Variants in ABCA13 observed in about 807,000 individuals in gnomAD.
The protein encoded by ABCA13 is ATP-binding cassette sub-family A member 13.
Under a neutral mutation model 478.7 loss-of-function variants are expected in ABCA13, and 476 were observed. The ratio of observed to expected loss-of-function variants is 0.99; its 90% CI spans 0.92 to 1.07. The LOEUF (loss-of-function observed/expected upper bound fraction) is 1.07. Among genes scored for constraint, ABCA13 ranks in the 50% least tolerant of loss-of-function variants. The pLI, the probability that ABCA13 is intolerant of heterozygous loss-of-function variation, is 0.00. For synonymous variants in ABCA13, 2,252 were observed against 2,158.9 expected (o/e 1.04, Z -1.20); for missense variants, 6,060 against 5,910.6 (o/e 1.03, Z -0.83).
chr7:48,631,637 C>T (rs1001617088), intron 59 of ABCA13, among the ~76,000 whole-genome samples: 1 of 151,220 alleles, frequency 6.6e-6, no homozygotes, highest in African/African-American at 2.4e-5. Context: ...ACTATTGGAG[C>T]TTTTTCTTTC....
chr7:48,439,295 G>T (rs1480164562), intron 42 of ABCA13, among the ~76,000 whole-genome samples: 2 of 152,018 alleles, frequency 1.3e-5, no homozygotes, highest in Non-Finnish European at 2.9e-5. Context: ...CCATTTTTTG[G>T]CTGGCTGTCA....
chr7:48,224,860 T>C (rs1177702211), intron 5 of ABCA13, among the ~76,000 whole-genome samples: 1 of 152,174 alleles, frequency 6.6e-6, no homozygotes, highest in Non-Finnish European at 1.5e-5. Context: ...TGCAGCATTC[T>C]TTCCACCTCC....
chr7:48,613,887 AT>A (rs1792277597), intron 58 of ABCA13, among the ~76,000 whole-genome samples: 1 of 148,078 alleles, frequency 6.8e-6, no homozygotes, highest in African/African-American at 2.4e-5. Context: ...TAGATTACCA[AT>A]TTTGTAACAT....
At chr7:48,324,847 C>T (rs542098725) in intron 27 of ABCA13, among the ~76,000 whole-genome samples, 5 of 152,268 alleles carry the variant, frequency 3.3e-5, no homozygotes, top group Admixed American at 6.5e-5. Context: ...CTACCTAGCA[C>T]GGTACAATGA....
intron 41 of ABCA13, among the ~76,000 whole-genome samples, chr7:48,427,240 A>G (rs566175772): frequency 6.6e-6 from 1 of 152,180 alleles, no homozygotes; most frequent in Non-Finnish European, 1.5e-5. Context: ...TTCTGCCTCC[A>G]CTACTAACCA....
chr7:48,223,554 A>T (rs1269353075), intron 5 of ABCA13, among the ~76,000 whole-genome samples: 1 of 152,052 alleles, frequency 6.6e-6, no homozygotes, highest in Non-Finnish European at 1.5e-5. Context: ...TAAGAAGAGG[A>T]TGGAGAAGTG....
chr7:48,362,005 T>G (rs1036930840), intron 31 of ABCA13, among the ~76,000 whole-genome samples: 1 of 152,058 alleles, frequency 6.6e-6, no homozygotes, highest in Non-Finnish European at 1.5e-5. Flanking sequence ...AATTTCTGAA[T>G]TGCAGTCAAA....
At chr7:48,211,823 G>A (rs952997878) in intron 3 of ABCA13, among the ~76,000 whole-genome samples, 1 of 151,944 alleles carries the variant, frequency 6.6e-6, no homozygotes, top group South Asian at 2.1e-4. Flanking sequence ...TACAGTGGCT[G>A]AACTGGTATC....
intron 55 of ABCA13, among the ~76,000 whole-genome samples, chr7:48,570,570 G>T (rs953422016): frequency 6.6e-6 from 1 of 151,606 alleles, no homozygotes; most frequent in South Asian, 2.1e-4. Flanking sequence ...TGATCCACCC[G>T]CCTCGGCCTC....
chr7:48,323,865 G>A (rs1184233170), intron 27 of ABCA13, among the ~76,000 whole-genome samples: 1 of 152,188 alleles, frequency 6.6e-6, no homozygotes, highest in African/African-American at 2.4e-5. Context: ...TCTCGTGAGA[G>A]TGAATAAGTC....
At chr7:48,207,903 C>G (rs1785131030) in intron 3 of ABCA13, among the ~76,000 whole-genome samples, 1 of 151,972 alleles carries the variant, frequency 6.6e-6, no homozygotes, top group Non-Finnish European at 1.5e-5. Context: ...AGTGTTTCCC[C>G]AAAGTTTTAT....
intron 42 of ABCA13, among the ~76,000 whole-genome samples, chr7:48,428,105 A>G (rs541242402): frequency 6.6e-6 from 1 of 152,186 alleles, no homozygotes; most frequent in East Asian, 1.9e-4. Flanking sequence ...TTTCTTCAGG[A>G]CTTGACTTAG....
At chr7:48,456,613 C>T (rs2129791389) in intron 43 of ABCA13, among the ~76,000 whole-genome samples, 1 of 152,246 alleles carries the variant, frequency 6.6e-6, no homozygotes, top group South Asian at 2.1e-4. Flanking sequence ...AATGAGATTA[C>T]ACTGTAATAC....
intron 20 of ABCA13, among the ~76,000 whole-genome samples, chr7:48,295,333 A>T (rs1380267466): frequency 2.0e-5 from 3 of 152,258 alleles, no homozygotes; most frequent in Admixed American, 2.0e-4. Context: ...TCTTCTTTGG[A>T]TAAGTGTCTG....
At chr7:48,219,222 C>A in intron 3 of ABCA13, 132 bp from the exon 4 acceptor site, 1 of 846,258 alleles carries the variant, frequency 1.2e-6, no homozygotes, top group Non-Finnish European at 1.7e-6. Flanking sequence ...AATGGGCTCT[C>A]AGGGTAGATG....
At chr7:48,584,876 T>G (rs1436122656) in intron 56 of ABCA13, among the ~76,000 whole-genome samples, 3 of 152,208 alleles carry the variant, frequency 2.0e-5, no homozygotes, top group Non-Finnish European at 4.4e-5. Context: ...CAAGAACATA[T>G]AGATGACATT....
chr7:48,575,059 A>AT (rs5884053), intron 55 of ABCA13, among the ~76,000 whole-genome samples: 35,836 of 150,330 alleles, frequency 0.24, 4,691 homozygotes, highest in Middle Eastern at 0.34. Flanking sequence ...TCCAGTAGAC[A>AT]TTTTTTTTTT....
intron 59 of ABCA13, among the ~76,000 whole-genome samples, chr7:48,624,134 G>T (rs1253125563): frequency 6.6e-6 from 1 of 151,760 alleles, no homozygotes; most frequent in Non-Finnish European, 1.5e-5. Flanking sequence ...CTGGAGTGGA[G>T]TGGCACTCAC....
intron 58 of ABCA13, chr7:48,612,034 A>G (rs1224531511): frequency 6.6e-6 from 1 of 152,128 alleles, no homozygotes; most frequent in African/African-American, 2.4e-5. Context: ...GACAAGACAC[A>G]TTTTTTCCTC....
Sources: gnomAD v4.1 joint callset for allele counts (sites outside exome capture counted in the v4.1 genomes callset) on GRCh38, gnomAD v4.1.1 for gene constraint, MANE v1.5 for transcripts, NCBI Gene and HGNC (gene_info 2026-07-23, HGNC 2026-07-21) for gene names.